The following EPM2A variants were observed in gnomAD, a reference collection of about 807,000 sequenced individuals.
EPM2A encodes the protein EPM2A glucan phosphatase, laforin, also known as laforin.
EPM2A carries 21 observed loss-of-function variants against 26.5 expected under a neutral mutation model. The ratio of observed to expected loss-of-function variants is 0.79; its 90% CI spans 0.56 to 1.14. EPM2A has a LOEUF of 1.14. Ranked by LOEUF, EPM2A falls within the 50% of genes most tolerant of loss-of-function variation. The pLI, the probability that EPM2A is intolerant of heterozygous loss-of-function variation, is 0.00. For missense variants in EPM2A, 458 were observed against 440.8 expected, an observed-to-expected ratio of 1.04 and a Z score of -0.35; for synonymous variants, 217 against 177.6, an observed-to-expected ratio of 1.22 and a Z score of -1.76.
chr6:145,389,552 G>A (rs560396135), intron 4 of EPM2A, among the ~76,000 whole-genome samples: 10 of 152,152 alleles, frequency 6.6e-5, no homozygotes, highest in Non-Finnish European at 1.3e-4. Context: ...CTTTTGCCTC[G>A]TGAATGTAAG....
At position 145,598,450 on chromosome 6, in the gene EPM2A, G is replaced by C. The variant is rs189160296; in HGVS notation, c.340+36795C>G. Among the ~76,000 whole-genome samples the C allele has an allele frequency of 1.5e-3, 225 of 152,116 alleles. 1 individual carries two copies. The highest frequency in any genetic ancestry group is 3.4e-3 in the Middle Eastern group (1 of 294). ...GTTTTTCTCTTGTAAATTTGTTTAAGTTCTTCATAGATAATATCTATAAGA... is the reference window on the plus strand; with the variant it reads ...GTTTTTCTCTTGTAAATTTGTTTAACTTCTTCATAGATAATATCTATAAGA... On this transcript the variant is annotated intron_variant, in intron 2 of 3. Coordinates refer to the EPM2A transcript ENST00000450221.
Position 145,604,163 on chromosome 6 carries a change from A to C in EPM2A, c.340+31082T>G, listed in dbSNP as rs536729421. Among the ~76,000 whole-genome samples the C allele has an allele frequency of 7.2e-5, 11 of 152,248 alleles. No homozygotes were observed. In the East Asian group the frequency reaches 2.1e-3, roughly 29 times the overall value. On this transcript the variant is annotated intron_variant, in intron 2 of 3. Transcript: ENST00000450221. ...GTGAAGCCAACTTGAATAGCCATTAAAAAGTTTATGCTCTTTTGGGACCAT... is the reference window on the plus strand; with the variant it reads ...GTGAAGCCAACTTGAATAGCCATTACAAAGTTTATGCTCTTTTGGGACCAT...
At chr6:145,605,442 A>G (rs1394886176) in intron 2 of EPM2A, among the ~76,000 whole-genome samples, 3 of 152,148 alleles carry the variant, frequency 2.0e-5, no homozygotes, top group Non-Finnish European at 2.9e-5. Context: ...ACAACAGTGT[A>G]CTTCCAAGCT....
intron 4 of EPM2A, among the ~76,000 whole-genome samples, chr6:145,404,643 A>G (rs566868261): frequency 7.9e-5 from 12 of 152,014 alleles, no homozygotes; most frequent in Non-Finnish European, 1.8e-4. Flanking sequence ...AAAGCTTCCT[A>G]TTTTCTGATT....
At chr6:145,412,422 CT>C (rs2114676215) in intron 4 of EPM2A, among the ~76,000 whole-genome samples, 1 of 152,188 alleles carries the variant, frequency 6.6e-6, no homozygotes, top group Non-Finnish European at 1.5e-5. Flanking sequence ...CAATAGGCAC[CT>C]TACAAAAGCT....
At chr6:145,628,952 C>T (rs1422966272) in intron 3 of EPM2A, 1 of 152,310 alleles carries the variant, frequency 6.6e-6, no homozygotes, top group East Asian at 1.9e-4. Context: ...CCAAGGACCA[C>T]AGTGTGGCTT....
At chr6:145,589,311 A>G (rs1198171692) in intron 2 of EPM2A, among the ~76,000 whole-genome samples, 1 of 152,158 alleles carries the variant, frequency 6.6e-6, no homozygotes, top group Admixed American at 6.5e-5. Flanking sequence ...AAAGTATTTT[A>G]TTTTTAATAA....
intron 2 of EPM2A, among the ~76,000 whole-genome samples, chr6:145,595,235 A>T (rs1466198104): frequency 6.6e-6 from 1 of 151,838 alleles, no homozygotes; most frequent in Non-Finnish European, 1.5e-5. Flanking sequence ...TATTCTTTTG[A>T]TATGACCTTC....
intron 1 of EPM2A, among the ~76,000 whole-genome samples, chr6:145,693,153 G>T (rs1037181863): frequency 1.3e-5 from 2 of 151,798 alleles, no homozygotes; most frequent in African/African-American, 4.8e-5. Flanking sequence ...GTATTCCTAG[G>T]TATTTTATTC....
intron 4 of EPM2A, among the ~76,000 whole-genome samples, chr6:145,395,164 G>A (rs1257445371): frequency 6.6e-6 from 1 of 152,032 alleles, no homozygotes; most frequent in Non-Finnish European, 1.5e-5. Flanking sequence ...AGGGCTTCTG[G>A]GACTTACTAC....
rs180872127 is a variant in EPM2A, at chr6:145,385,630, A to G, written c.556-1533T>C. Reference sequence around the variant, plus strand: ...TATTTTTAAACTTTTTTTCCAGGCAAAAATTGGACATAATTTAAAAATACC... The same window carrying G: ...TATTTTTAAACTTTTTTTCCAGGCAGAAATTGGACATAATTTAAAAATACC... On this transcript the variant is annotated intron_variant, in intron 4 of 4. Transcript: ENST00000638717. Among the ~76,000 whole-genome samples the G allele has an allele frequency of 3.3e-5, 5 of 152,222 alleles. No homozygotes were observed. In the East Asian group the frequency reaches 9.6e-4, roughly 29 times the overall value.
intron 4 of EPM2A, among the ~76,000 whole-genome samples, chr6:145,412,073 C>T (rs1022240616): frequency 4.0e-5 from 6 of 151,730 alleles, no homozygotes; most frequent in African/African-American, 9.7e-5. Flanking sequence ...AAAAATTGGC[C>T]GGGTGCGGTG....
intron 4 of EPM2A, among the ~76,000 whole-genome samples, chr6:145,401,497 CA>C (rs1238778588): frequency 5.9e-5 from 9 of 152,080 alleles, no homozygotes; most frequent in African/African-American, 2.2e-4. Flanking sequence ...GTGTCAGACA[CA>C]ATGTTAATTA....
intron 2 of EPM2A, among the ~76,000 whole-genome samples, chr6:145,551,586 T>A (rs796914088): frequency 3.3e-5 from 5 of 152,172 alleles, no homozygotes; most frequent in African/African-American, 1.2e-4. Context: ...TTGCCCCAAA[T>A]TTGCACTTTC....
At chr6:145,659,114 T>A (rs555700778) in intron 2 of EPM2A, among the ~76,000 whole-genome samples, 93 of 152,238 alleles carry the variant, frequency 6.1e-4, no homozygotes, top group Non-Finnish European at 1.1e-3. Flanking sequence ...GGTCAAAAAA[T>A]TTACCATAAA....
At position 145,444,862 on chromosome 6, in the gene EPM2A, AGTT is replaced by A. The variant is rs1433704583; in HGVS notation, c.555+57657_555+57659del. 2.6e-5 allele frequency among the ~76,000 whole-genome samples: 4 copies of A among 152,286 alleles called. No individual in the cohort carries two copies. In the South Asian group the frequency reaches 6.2e-4, roughly 24 times the overall value. On this transcript the variant is annotated intron_variant, in intron 4 of 4. Transcript: ENST00000638717. ...TGTTGCCACTGCTGCTTATTAAAGC[AGTT>A]GTTGTTTGTTTGTTAAGTGACTTTT...
chr6:145,444,898 A>C (rs767438163), intron 4 of EPM2A, among the ~76,000 whole-genome samples: 138 of 149,956 alleles, frequency 9.2e-4, no homozygotes, highest in Middle Eastern at 6.8e-3. Context: ...TTTCTGAACT[A>C]ATTCTCCAAA....
At chr6:145,668,019 TGGGGGGA>T (rs1417775259) in intron 2 of EPM2A, among the ~76,000 whole-genome samples, 2 of 71,438 alleles carry the variant, frequency 2.8e-5, no homozygotes, top group Admixed American at 3.8e-4. Context: ...TGTGGTGGGG[TGGGGGGA>T]GGGGGGAGGG....
At chr6:145,429,636 A>C (rs2114690822) in intron 4 of EPM2A, among the ~76,000 whole-genome samples, 1 of 152,320 alleles carries the variant, frequency 6.6e-6, no homozygotes, top group South Asian at 2.1e-4. Context: ...TTGCCAAAAT[A>C]ATGCAAATTT....
Sources: gnomAD v4.1 joint callset for allele counts (sites outside exome capture counted in the v4.1 genomes callset) on GRCh38, gnomAD v4.1.1 for gene constraint, MANE v1.5 for transcripts, NCBI Gene and HGNC (gene_info 2026-07-23, HGNC 2026-07-21) for gene names.